The following IL1RAPL2 variants were observed in gnomAD, a reference collection of about 807,000 sequenced individuals.
The protein encoded by IL1RAPL2 is interleukin 1 receptor accessory protein like 2, also known as X-linked interleukin-1 receptor accessory protein-like 2.
A neutral mutation model predicts 44.1 loss-of-function variants in IL1RAPL2; 3 were observed. The observed-to-expected ratio is 0.07, with a 90% CI of 0.03 to 0.18. IL1RAPL2 has a LOEUF of 0.18. Among genes scored for constraint, IL1RAPL2 ranks in the 10% least tolerant of loss-of-function variants. IL1RAPL2 has a pLI of 1.00. For missense variants in IL1RAPL2, 391 were observed against 496.4 expected (o/e 0.79, Z 2.02); for synonymous variants, 181 against 178.8 (o/e 1.01, Z -0.10).
chrX:105,329,132 AGTT>A (rs2034965382), intron 5 of IL1RAPL2, among the ~76,000 whole-genome samples: 3 of 112,464 alleles, frequency 2.7e-5, no homozygotes, highest in South Asian at 3.7e-4. Flanking sequence ...TCTGATTCAA[AGTT>A]CATTAATCAA....
At chrX:105,631,311 G>A (rs2037490482) in intron 6 of IL1RAPL2, among the ~76,000 whole-genome samples, 1 of 111,919 alleles carries the variant, frequency 8.9e-6, no homozygotes, top group African/African-American at 3.2e-5. Flanking sequence ...TACATCTGGT[G>A]AAATGAATAG....
chrX:104,984,718 A>G (rs774621528), intron 2 of IL1RAPL2, among the ~76,000 whole-genome samples: 18 of 112,392 alleles, frequency 1.6e-4, no homozygotes, highest in African/African-American at 4.5e-4. Context: ...ACCTAAAAAT[A>G]TGTTTCAAAA....
intron 5 of IL1RAPL2, among the ~76,000 whole-genome samples, chrX:105,329,164 G>GA (rs2034966306): frequency 1.8e-5 from 2 of 112,273 alleles, no homozygotes; most frequent in South Asian, 3.7e-4. Context: ...ATACATTGTT[G>GA]AGATGACCCA....
chrX:104,911,526 A>G (rs1416329478), intron 2 of IL1RAPL2, among the ~76,000 whole-genome samples: 2 of 111,519 alleles, frequency 1.8e-5, no homozygotes, highest in South Asian at 7.6e-4. Flanking sequence ...AATCTGTTCA[A>G]TCTTCTTTGT....
chrX:105,302,657 A>G (rs996509883), intron 5 of IL1RAPL2, among the ~76,000 whole-genome samples: 2 of 111,881 alleles, frequency 1.8e-5, no homozygotes, highest in African/African-American at 6.5e-5. Context: ...TCTCTTCTGA[A>G]GCAGAGGGAA....
In IL1RAPL2 at chrX:105,361,355, AGT is replaced by A. The variant is rs201903866; in HGVS notation, c.697+93817_697+93818del. Among the ~76,000 whole-genome samples, 534 of 111,374 alleles carry A rather than the reference AGT, an allele frequency of 4.8e-3. 1 individual carries two copies. The highest frequency in any genetic ancestry group is 7.0e-3 in the Non-Finnish European group (371 of 52,981). ...TGACTTTAAAGTGAATAGGCCTGGA[AGT>A]GTTTTCTGACGGAGAATTAGTTTGG... On this transcript the variant is annotated intron_variant, in intron 5 of 10. Coordinates refer to ENST00000372582, the MANE Select transcript of IL1RAPL2 (RefSeq NM_017416.2).
chrX:104,900,666 G>T (rs1385985548), intron 2 of IL1RAPL2, among the ~76,000 whole-genome samples: 1 of 112,292 alleles, frequency 8.9e-6, no homozygotes, highest in East Asian at 2.8e-4. Flanking sequence ...GTGGAGCATT[G>T]TTTTTTCTCA....
At chrX:105,740,924 G>T (rs932081217) in intron 8 of IL1RAPL2, among the ~76,000 whole-genome samples, 1 of 111,496 alleles carries the variant, frequency 9.0e-6, no homozygotes. Context: ...TAAATCCAGT[G>T]ATATAAATTG....
At chrX:104,633,012 C>G (rs1195932889) in intron 1 of IL1RAPL2, among the ~76,000 whole-genome samples, 1 of 111,246 alleles carries the variant, frequency 9.0e-6, no homozygotes, top group Non-Finnish European at 1.9e-5. Context: ...TGAGATACGT[C>G]CCATCAATAC....
intron 2 of IL1RAPL2, among the ~76,000 whole-genome samples, chrX:104,886,308 G>C (rs1302222540): frequency 9.0e-6 from 1 of 111,439 alleles, no homozygotes; most frequent in African/African-American, 3.3e-5. Context: ...TCCCCTACTT[G>C]AGGAGGGAAT....
intron 2 of IL1RAPL2, among the ~76,000 whole-genome samples, chrX:104,732,575 A>G (rs2147572926): frequency 8.9e-6 from 1 of 111,989 alleles, no homozygotes; most frequent in African/African-American, 3.2e-5. Context: ...TGCCTCAAGG[A>G]AGAATAATTA....
At chrX:104,996,944 TA>T (rs2147734484) in intron 2 of IL1RAPL2, among the ~76,000 whole-genome samples, 1 of 110,934 alleles carries the variant, frequency 9.0e-6, no homozygotes, top group South Asian at 3.8e-4. Context: ...GCATCAAGGG[TA>T]AAAACCTAAG....
intron 2 of IL1RAPL2, among the ~76,000 whole-genome samples, chrX:104,921,122 T>C: frequency 9.0e-6 from 1 of 111,634 alleles, no homozygotes; most frequent in Non-Finnish European, 1.9e-5. Flanking sequence ...CTTCAGACCT[T>C]TGGACTGGCA....
At chrX:105,600,740 G>C (rs1236374139) in intron 6 of IL1RAPL2, among the ~76,000 whole-genome samples, 1 of 109,406 alleles carries the variant, frequency 9.1e-6, no homozygotes, top group Non-Finnish European at 1.9e-5. Context: ...TCTACACATA[G>C]TTTTAGCCAT....
intron 1 of IL1RAPL2, among the ~76,000 whole-genome samples, chrX:104,610,288 C>T (rs947178285): frequency 9.1e-6 from 1 of 110,425 alleles, no homozygotes; most frequent in Non-Finnish European, 1.9e-5. Context: ...CCAGGGTAAT[C>T]AGGCAGGAGA....
At chrX:105,173,868 G>C (rs2033448044) in intron 2 of IL1RAPL2, among the ~76,000 whole-genome samples, 1 of 110,255 alleles carries the variant, frequency 9.1e-6, no homozygotes, top group Admixed American at 9.7e-5. Flanking sequence ...GCGTAGCTGG[G>C]ATTACAGGCA....
chrX:104,853,291 C>G (rs775506587), intron 2 of IL1RAPL2, among the ~76,000 whole-genome samples: 1 of 111,205 alleles, frequency 9.0e-6, no homozygotes. Context: ...AAATGGTACC[C>G]AATGGAATCA....
chrX:105,455,036 CATACTTTAAG>C (rs2036045563), intron 5 of IL1RAPL2, among the ~76,000 whole-genome samples: 1 of 111,793 alleles, frequency 8.9e-6, no homozygotes, highest in African/African-American at 3.3e-5. Context: ...CTGCCCTACT[CATACTTTAAG>C]ATACATATAT....
intron 2 of IL1RAPL2, among the ~76,000 whole-genome samples, chrX:105,076,463 C>T (rs1273490924): frequency 9.0e-6 from 1 of 111,353 alleles, no homozygotes; most frequent in Admixed American, 9.6e-5. Flanking sequence ...TTACATCCAA[C>T]TATGTGTTCA....
Sources: allele counts gnomAD v4.1 joint callset (sites outside exome capture counted in the v4.1 genomes callset), GRCh38; gene constraint gnomAD v4.1.1; transcripts MANE v1.5; gene names NCBI Gene and HGNC (gene_info 2026-07-23, HGNC 2026-07-21).